Variants in AUTS2 observed in about 807,000 individuals in gnomAD.
AUTS2 encodes the protein autism susceptibility gene 2 protein.
Under a neutral mutation model 112.4 loss-of-function variants are expected in AUTS2, and 17 were observed. The observed-to-expected ratio is 0.15, with a 90% confidence interval of 0.10 to 0.23. AUTS2 has a LOEUF of 0.23. Among genes scored for constraint, AUTS2 ranks in the 10% least tolerant of loss-of-function variants. The pLI, the probability that AUTS2 is intolerant of heterozygous loss-of-function variation, is 1.00. For synonymous variants in AUTS2, 751 were observed against 702.7 expected, an observed-to-expected ratio of 1.07 and a Z score of -1.09; for missense variants, 1,510 against 1,701.6, an observed-to-expected ratio of 0.89 and a Z score of 1.98.
At chr7:69,602,482 A>C (rs566813339) in intron 1 of AUTS2, among the ~76,000 whole-genome samples, 2 of 152,274 alleles carry the variant, frequency 1.3e-5, no homozygotes, top group African/African-American at 4.8e-5. Context: ...AGAACACCCA[A>C]CATCCAGGTT....
chr7:70,100,941 G>C (rs1804454990), intron 2 of AUTS2, among the ~76,000 whole-genome samples: 1 of 152,048 alleles, frequency 6.6e-6, no homozygotes, highest in South Asian at 2.1e-4. Context: ...GCAGTGGCAT[G>C]ATCTCGGCTC....
chr7:70,386,902 A>T (rs957510447), intron 4 of AUTS2, among the ~76,000 whole-genome samples: 3 of 152,078 alleles, frequency 2.0e-5, no homozygotes, highest in African/African-American at 7.2e-5. Context: ...CCCTTCCCAG[A>T]TTTACCCAAT....
At chr7:69,693,244 G>A (rs1797421647) in intron 1 of AUTS2, among the ~76,000 whole-genome samples, 1 of 152,208 alleles carries the variant, frequency 6.6e-6, no homozygotes, top group African/African-American at 2.4e-5. Flanking sequence ...GAAAACATCT[G>A]TCAGCGCCTG....
intron 1 of AUTS2, among the ~76,000 whole-genome samples, chr7:69,633,408 G>A (rs1794362249): frequency 6.6e-6 from 1 of 152,100 alleles, no homozygotes; most frequent in African/African-American, 2.4e-5. Context: ...CAGTGAACAT[G>A]GGAGTGCAGA....
chr7:70,506,956 G>A (rs1798989059), intron 5 of AUTS2, among the ~76,000 whole-genome samples: 2 of 152,194 alleles, frequency 1.3e-5, no homozygotes, highest in Admixed American at 6.5e-5. Context: ...GGACACGAGT[G>A]CTGTCCCAGC....
intron 4 of AUTS2, among the ~76,000 whole-genome samples, chr7:70,271,559 A>G (rs896856064): frequency 6.6e-6 from 1 of 152,244 alleles, no homozygotes; most frequent in African/African-American, 2.4e-5. Flanking sequence ...AGATTATTAT[A>G]CATCAATGCA....
chr7:69,774,808 G>T (rs1383155628), intron 1 of AUTS2, among the ~76,000 whole-genome samples: 1 of 152,096 alleles, frequency 6.6e-6, no homozygotes, highest in Admixed American at 6.5e-5. Context: ...GAAGATTCTG[G>T]TTCAGTAGGT....
intron 1 of AUTS2, among the ~76,000 whole-genome samples, chr7:69,695,625 C>G (rs1797528001): frequency 6.6e-6 from 1 of 152,034 alleles, no homozygotes; most frequent in African/African-American, 2.4e-5. Context: ...AAAAACTATC[C>G]TCTTAAAACT....
intron 1 of AUTS2, among the ~76,000 whole-genome samples, chr7:69,762,077 A>G (rs1788207883): frequency 6.6e-6 from 1 of 152,146 alleles, no homozygotes; most frequent in Non-Finnish European, 1.5e-5. Flanking sequence ...ACTATTTGAG[A>G]GGACCCAAGC....
At chr7:70,210,524 A>C (rs1456367207) in intron 4 of AUTS2, among the ~76,000 whole-genome samples, 1 of 152,230 alleles carries the variant, frequency 6.6e-6, no homozygotes, top group Non-Finnish European at 1.5e-5. Flanking sequence ...TATTACCAGC[A>C]AAGGTTTTTA....
chr7:70,535,015 A>C (rs1057270870), intron 5 of AUTS2, among the ~76,000 whole-genome samples: 5 of 149,774 alleles, frequency 3.3e-5, no homozygotes, highest in African/African-American at 1.2e-4. Flanking sequence ...AATACCATAA[A>C]CTATCACCAT....
Position 69,682,997 on chromosome 7 carries a change from G to T in AUTS2, c.309+83035G>T, listed in dbSNP as rs184228585. On this transcript the variant is annotated intron_variant, in intron 1 of 18. Coordinates refer to ENST00000342771, the MANE Select transcript of AUTS2 (RefSeq NM_015570.4). ...ATACACATGGAGTGGTTTAAGGAGC[G>T]GAAAGTTTAATAGGCAAGAAAGAAG... Among the ~76,000 whole-genome samples, 12 of 152,298 alleles carry T rather than the reference G, an allele frequency of 7.9e-5. No homozygotes were observed. In the East Asian group the frequency reaches 2.3e-3, roughly 29 times the overall value.
intron 4 of AUTS2, among the ~76,000 whole-genome samples, chr7:70,340,343 G>A (rs911109091): frequency 7.3e-5 from 11 of 151,586 alleles, no homozygotes; most frequent in African/African-American, 1.2e-4. Flanking sequence ...TAGAATTTTC[G>A]CAAACCTTAT....
chr7:70,284,340 C>G (rs926247485), intron 4 of AUTS2, among the ~76,000 whole-genome samples: 1 of 152,140 alleles, frequency 6.6e-6, no homozygotes, highest in African/African-American at 2.4e-5. Flanking sequence ...CATGTACTTT[C>G]TTTTTGTCAC....
At chr7:70,349,788 GAAAGAAACATAATAGC>G (rs1426009689) in intron 4 of AUTS2, among the ~76,000 whole-genome samples, 1 of 152,032 alleles carries the variant, frequency 6.6e-6, no homozygotes, top group Non-Finnish European at 1.5e-5. Context: ...GTTGATTTCT[GAAAGAAACATAATAGC>G]AAAGATTACT....
intron 1 of AUTS2, among the ~76,000 whole-genome samples, chr7:69,765,419 C>G (rs935611293): frequency 6.6e-6 from 1 of 152,070 alleles, no homozygotes; most frequent in Non-Finnish European, 1.5e-5. Context: ...GGGCAGGTCT[C>G]ATTTGTTTTG....
At chr7:70,431,766 A>C (rs1795681873) in intron 4 of AUTS2, among the ~76,000 whole-genome samples, 1 of 152,222 alleles carries the variant, frequency 6.6e-6, no homozygotes, top group African/African-American at 2.4e-5. Flanking sequence ...GGAAAGGAAG[A>C]CTGTGCCTCC....
Position 70,599,901 on chromosome 7 carries a change from A to G in AUTS2, c.691-98668A>G, listed in dbSNP as rs1380298918. Among the ~76,000 whole-genome samples, 3 of 152,210 alleles carry G rather than the reference A, an allele frequency of 2.0e-5. No homozygotes were observed. In the East Asian group the frequency reaches 5.8e-4, roughly 29 times the overall value. ...CATTAGACAGGGATCTGGGTAGCTC[A>G]TCACAGTGTCCACCACATGCACTGA... On this transcript the variant is annotated intron_variant, in intron 5 of 18. Coordinates refer to ENST00000342771, the MANE Select transcript of AUTS2 (RefSeq NM_015570.4).
At chr7:69,650,456 C>G (rs1433143056) in intron 1 of AUTS2, among the ~76,000 whole-genome samples, 2 of 152,160 alleles carry the variant, frequency 1.3e-5, no homozygotes, top group Non-Finnish European at 2.9e-5. Context: ...GGATTCCTGG[C>G]CACTGTAAAG....
Sources: gnomAD v4.1 joint callset for allele counts (sites outside exome capture counted in the v4.1 genomes callset) on GRCh38, gnomAD v4.1.1 for gene constraint, MANE v1.5 for transcripts, NCBI Gene and HGNC (gene_info 2026-07-23, HGNC 2026-07-21) for gene names.